EXD2: variants seen among roughly 807,000 people sequenced by gnomAD.
EXD2 encodes the protein exonuclease 3'-5' domain-containing protein 2.
EXD2 carries 40 observed loss-of-function variants against 62.5 expected under a neutral mutation model. The observed-to-expected ratio is 0.64, with a 90% CI of 0.50 to 0.83. The LOEUF is 0.83. Ranked by LOEUF, EXD2 falls within the 40% of genes least tolerant of loss-of-function variation. EXD2 has a pLI of 0.00. For synonymous variants in EXD2, 239 were observed against 291.9 expected (o/e 0.82, Z 1.85); for missense variants, 671 against 761.8 (o/e 0.88, Z 1.40).
chr14:69,203,157 C>T (rs116045690), intron 1 of EXD2, among the ~76,000 whole-genome samples: 2,016 of 152,206 alleles, frequency 0.013, 42 homozygotes, highest in African/African-American at 0.047. Context: ...TTCCCAGGCT[C>T]AGGTGATTCT....
chr14:69,220,251 C>CTTTTTTT, intron 3 of EXD2, among the ~76,000 whole-genome samples: 1 of 60,642 alleles, frequency 1.6e-5, no homozygotes, highest in Non-Finnish European at 3.0e-5. Context: ...TTTTGTCTCT[C>CTTTTTTT]TGTTTTTTTT....
In EXD2 at chr14:69,230,600, TA is replaced by T. The variant is rs1566837204; in HGVS notation, c.717+3del. 6.2e-7 allele frequency: 1 copy of T among 1,605,656 alleles called. No individual in the cohort carries two copies. The highest frequency in any genetic ancestry group is 1.8e-5 in the Admixed American group (1 of 56,806). ...GCTGAGACTCTCACAGAGGACCAGGTACTTCTTATCAGAGTAGTTGAAGAAT... is the reference window on the plus strand; with the variant it reads ...GCTGAGACTCTCACAGAGGACCAGGTCTTCTTATCAGAGTAGTTGAAGAAT... On this transcript the variant is annotated splice_donor_region_variant and intron_variant, in intron 5 of 9. Coordinates refer to ENST00000685843, the MANE Select transcript of EXD2 (RefSeq NM_001193360.2).
In EXD2 at chr14:69,212,103, C is replaced by T. The variant is rs947949791; in HGVS notation, c.333+2300C>T. On this transcript the variant is annotated intron_variant, in intron 3 of 9. Coordinates refer to ENST00000685843, the MANE Select transcript of EXD2 (RefSeq NM_001193360.2). Reference sequence around the variant, plus strand: ...ATAGAAAACAAAAATAGGCTGGGCGCGGTAGCCCACGCCTGTAATCCTAGC... The same window carrying T: ...ATAGAAAACAAAAATAGGCTGGGCGTGGTAGCCCACGCCTGTAATCCTAGC... 1.2e-4 allele frequency among the ~76,000 whole-genome samples: 18 copies of T among 152,278 alleles called. No homozygotes were observed. The South Asian group carries it at 2.3e-3, about 19-fold the overall frequency.
intron 5 of EXD2, among the ~76,000 whole-genome samples, chr14:69,231,859 C>T (rs1343626046): frequency 2.7e-5 from 4 of 146,146 alleles, no homozygotes; most frequent in Non-Finnish European, 4.5e-5. Context: ...CCTTTCTTGC[C>T]TTGGTGGAGT....
rs1230440390 is a variant in EXD2, at chr14:69,237,928, C to A, written c.1646C>A (p.Thr549Asn). 1.3e-6 allele frequency: 2 copies of A among 1,553,678 alleles called. No individual in the cohort carries two copies. The highest frequency in any genetic ancestry group is 1.7e-6 in the Non-Finnish European group (2 of 1,152,944). ...CTTCAAGAGGCTGCCAGCCTGGAGACCAGGTACAAAGCACAGGAATTGTGG... is the reference window on the plus strand; with the variant it reads ...CTTCAAGAGGCTGCCAGCCTGGAGAACAGGTACAAAGCACAGGAATTGTGG... Reference protein sequence around the residue: ...EMLQEAASLETRISNENYVPH... With the variant: ...EMLQEAASLENRISNENYVPH... The change falls in exon 9 of 10, where the codon ACC becomes AAC. Residue 549 changes from threonine to asparagine, a missense_variant. Transcript: ENST00000685843.
At position 69,198,431 on chromosome 14, in the gene EXD2, C is replaced by G. The variant is rs559584526; in HGVS notation, c.-131-5486C>G. Among the ~76,000 whole-genome samples, 14 of 152,308 alleles carry G rather than the reference C, an allele frequency of 9.2e-5. 2 individuals are homozygous for G. In the South Asian group the frequency reaches 2.9e-3, roughly 32 times the overall value. The stretch of plus-strand genomic sequence containing the variant: ...CTCTGCCTACGGCCTTGCTCTCCTC[C>G]AGGCTAGCACCCACATTAGTACCAT... On this transcript the variant is annotated intron_variant, in intron 1 of 9. Coordinates refer to ENST00000685843, the MANE Select transcript of EXD2 (RefSeq NM_001193360.2).
chr14:69,194,007 G>A (rs2042116235), intron 1 of EXD2, among the ~76,000 whole-genome samples: 1 of 152,086 alleles, frequency 6.6e-6, no homozygotes, highest in African/African-American at 2.4e-5. Context: ...AGAGAGAGGA[G>A]GGTTTTCTCC....
chr14:69,234,880 T>C lies in EXD2; in HGVS notation c.898T>C (p.Leu300=). The change falls in exon 6 of 10, where the codon TTG becomes CTG. Residue 300 remains leucine (L), a synonymous_variant. Coordinates refer to ENST00000685843, the MANE Select transcript of EXD2 (RefSeq NM_001193360.2). ...IPFRSKGMSR[L]GEEVNGEATE... is the part of the protein sequence containing the mutation. ...ATTTCGAAGCAAAGGAATGAGCAGA[T>C]TGGGAGAAGAGGTTAATGGGGAAGC... is the stretch of plus-strand genomic sequence containing the variant. 1 of 1,614,070 alleles carries C rather than the reference T, an allele frequency of 6.2e-7. No individual in the cohort carries two copies. The highest frequency in any genetic ancestry group is 8.5e-7 in the Non-Finnish European group (1 of 1,180,018).
chr14:69,236,370 G>A (rs1322341758), intron 7 of EXD2, 37 bp from the exon 8 acceptor site: 1 of 1,613,526 alleles, frequency 6.2e-7, no homozygotes, highest in African/African-American at 1.3e-5. Context: ...GGTGGGGGCA[G>A]GGGGAGCAGT....
intron 6 of EXD2, chr14:69,235,744 T>C (rs868781445): frequency 1.3e-5 from 5 of 382,086 alleles, no homozygotes; most frequent in Non-Finnish European, 1.9e-5. Context: ...GTTTTCTTGT[T>C]GCTTGGTTCT....
intron 1 of EXD2, among the ~76,000 whole-genome samples, chr14:69,194,954 T>C (rs12888526): frequency 0.69 from 104,627 of 152,058 alleles, 36,723 homozygotes; most frequent in East Asian, 1. Context: ...CGCGGTGGCT[T>C]ACGCCTGTAA....
chr14:69,234,722 C>T lies in EXD2; in HGVS notation c.740C>T (p.Ala247Val). The T allele has an allele frequency of 6.2e-7, 1 of 1,612,760 alleles. No individual in the cohort carries two copies. The highest frequency in any genetic ancestry group is 8.5e-7 in the Non-Finnish European group (1 of 1,179,282). The part of the protein sequence containing the change: ...EDQVIYAARD[A>V]QISVALFLHL... ...CAGGTAATTTATGCTGCCAGGGATG[C>T]CCAGATTTCAGTGGCTCTCTTTCTT... The change falls in exon 6 of 10, where the codon GCC becomes GTC. Residue 247 changes from alanine to valine, a missense_variant. Coordinates refer to ENST00000685843, the MANE Select transcript of EXD2 (RefSeq NM_001193360.2).
rs2043726927 is a variant in EXD2 at position 69,235,027 on chromosome 14, G to T, written c.1045G>T (p.Ala349Ser). The T allele has an allele frequency of 1.3e-6, 2 of 1,584,002 alleles. No homozygotes were observed. Among genetic ancestry groups the T allele is most frequent in the African/African-American group, 1.4e-5 (1 of 73,350 alleles). Residue 349 changes from alanine (A) to serine (S), a missense_variant, in exon 6 of 10, where the codon GCC becomes TCC. Transcript: ENST00000685843. ...AAAGCCTCTGGGGGTGGGCTATTCT[G>T]CCAGGTAACTGAATCACTCCCTGTC... is the stretch of plus-strand genomic sequence containing the variant. Reference protein sequence around the residue: ...KRKPLGVGYSARKSPLYDNCF... With the variant: ...KRKPLGVGYSSRKSPLYDNCF...
At chr14:69,232,999 A>C (rs948108928) in intron 5 of EXD2, among the ~76,000 whole-genome samples, 1 of 152,166 alleles carries the variant, frequency 6.6e-6, no homozygotes, top group Non-Finnish European at 1.5e-5. Context: ...TCTAAAAGTC[A>C]TATAGTTTTA....
At chr14:69,205,785 C>G (rs1271208227) in intron 2 of EXD2, among the ~76,000 whole-genome samples, 1 of 151,994 alleles carries the variant, frequency 6.6e-6, no homozygotes, top group Non-Finnish European at 1.5e-5. Flanking sequence ...TAGAATTTAC[C>G]AGTTCTGAAC....
intron 1 of EXD2, among the ~76,000 whole-genome samples, chr14:69,197,726 C>T (rs544333181): frequency 1.3e-5 from 2 of 152,290 alleles, no homozygotes; most frequent in African/African-American, 2.4e-5. Context: ...TCGTGGCCTC[C>T]AGCTGATCCA....
chr14:69,197,251 A>G (rs1037281924), intron 1 of EXD2, among the ~76,000 whole-genome samples: 2 of 152,094 alleles, frequency 1.3e-5, no homozygotes, highest in African/African-American at 4.8e-5. Context: ...AAAGAACAGA[A>G]ATACCTATTC....
In EXD2 at chr14:69,237,793, C is replaced by G. The variant is rs763841058; in HGVS notation, c.1511C>G (p.Ser504Cys). The change falls in exon 9 of 10, where the codon TCT (serine) becomes TGT (cysteine). Residue 504 changes from serine to cysteine, a missense_variant. Ser to Cys is a moderately radical substitution (Grantham distance 112). Transcript: ENST00000685843. ...GATCCTGAGCGCCGGCAGGTGCGTT[C>G]TGGGGCCAGGGCCCTGCTCAACGCG... Reference protein sequence around the residue: ...LEDPERRQVRSGARALLNAES... With the variant: ...LEDPERRQVRCGARALLNAES... 2.5e-6 allele frequency: 4 copies of G among 1,613,850 alleles called. No individual in the cohort carries two copies. In the Admixed American group the frequency reaches 6.7e-5, roughly 27 times the overall value.
intron 1 of EXD2, among the ~76,000 whole-genome samples, chr14:69,202,564 G>A (rs1241437141): frequency 4.6e-5 from 7 of 151,934 alleles, no homozygotes; most frequent in Non-Finnish European, 8.8e-5. Flanking sequence ...CTTTTTACCC[G>A]GGGTCTATCA....
Sources: allele counts gnomAD v4.1 joint callset (sites outside exome capture counted in the v4.1 genomes callset), GRCh38; gene constraint gnomAD v4.1.1; transcripts MANE v1.5; gene names NCBI Gene and HGNC (gene_info 2026-07-23, HGNC 2026-07-21).